ARMC3: variants seen among roughly 807,000 people sequenced by gnomAD.
The protein encoded by ARMC3 is armadillo repeat-containing protein 3.
In ARMC3, 74 loss-of-function variants were observed where a neutral mutation model predicts 90.3. The observed-to-expected ratio is 0.82, with a 90% confidence interval of 0.68 to 0.99. ARMC3 has a LOEUF of 0.99. Ranked by LOEUF, ARMC3 falls within the 50% of genes least tolerant of loss-of-function variation. ARMC3 has a pLI of 0.00. For synonymous variants in ARMC3, 334 were observed against 361.8 expected (o/e 0.92, Z 0.87); for missense variants, 958 against 1,042.8 (o/e 0.92, Z 1.12).
At chr10:22,937,851 A>T (rs1588809675) in intron 2 of ARMC3, among the ~76,000 whole-genome samples, 3 of 152,194 alleles carry the variant, frequency 2.0e-5, no homozygotes, top group African/African-American at 7.2e-5. Flanking sequence ...TTCATAGGTG[A>T]TGGAGACAGA....
chr10:22,968,645 GC>G (rs1348889150), intron 8 of ARMC3, among the ~76,000 whole-genome samples, 156 bp downstream of exon 8: 1 of 152,052 alleles, frequency 6.6e-6, no homozygotes, highest in Non-Finnish European at 1.5e-5. Flanking sequence ...GGGACTACAG[GC>G]ATGCACCACC....
intron 1 of ARMC3, among the ~76,000 whole-genome samples, chr10:22,928,515 G>GAA (rs111969562): frequency 2.0e-5 from 3 of 148,760 alleles, no homozygotes; most frequent in Admixed American, 6.7e-5. Context: ...ATCAACTCGT[G>GAA]AAAAAAAAAA....
At chr10:23,029,088 C>T (rs772991820) in intron 16 of ARMC3, among the ~76,000 whole-genome samples, 8 of 152,172 alleles carry the variant, frequency 5.3e-5, no homozygotes, top group Non-Finnish European at 8.8e-5. Context: ...AGTGCCACCA[C>T]TGTCACAGGA....
chr10:23,033,154 T>C (rs1838984404), intron 18 of ARMC3, 131 bp downstream of exon 18: 2 of 813,662 alleles, frequency 2.5e-6, no homozygotes, highest in Non-Finnish European at 3.8e-6. Context: ...TATATCTACA[T>C]ATAAGTGTAT....
chr10:22,964,474 C>T (rs1283432986), intron 7 of ARMC3, among the ~76,000 whole-genome samples: 2 of 146,432 alleles, frequency 1.4e-5, no homozygotes, highest in East Asian at 4.0e-4. Context: ...GAGCCTTGCT[C>T]TGTCACCCAG....
chr10:23,033,065 G>C, intron 18 of ARMC3, 42 bp downstream of exon 18: 1 of 1,596,996 alleles, frequency 6.3e-7, no homozygotes, highest in Non-Finnish European at 8.5e-7. Context: ...AAGTAAAAAT[G>C]CTTTGTCTTT....
chr10:22,970,186 A>C (rs986933185), intron 8 of ARMC3, among the ~76,000 whole-genome samples: 1 of 152,232 alleles, frequency 6.6e-6, no homozygotes, highest in African/African-American at 2.4e-5. Context: ...ATATTTCTGA[A>C]ATCAGTGATT....
In ARMC3 at chr10:22,998,971, A is replaced by T. The variant is rs1171086754; in HGVS notation, c.1425+574A>T. 2.6e-5 allele frequency among the ~76,000 whole-genome samples: 4 copies of T among 152,364 alleles called. No individual in the cohort carries two copies. The East Asian group carries it at 7.7e-4, about 29-fold the overall frequency. The stretch of plus-strand genomic sequence containing the variant: ...AAATTGAGGGAATGCTGAATCCGAA[A>T]TTCAAGAAAGCGGTTGCTTCTGTAG... On this transcript the variant is annotated intron_variant, in intron 11 of 18. Coordinates refer to ENST00000298032, the MANE Select transcript of ARMC3 (RefSeq NM_173081.5).
intron 1 of ARMC3, among the ~76,000 whole-genome samples, chr10:22,929,346 G>T (rs924649857): frequency 6.6e-6 from 1 of 151,492 alleles, no homozygotes; most frequent in Non-Finnish European, 1.5e-5. Context: ...GAAAGGAAAA[G>T]AAAAGAAATA....
At position 23,033,491 on chromosome 10, in the gene ARMC3, C is replaced by G. The variant is rs144105177; in HGVS notation, c.2409+468C>G. On this transcript the variant is annotated intron_variant, in intron 18 of 18. Coordinates refer to ENST00000298032, the MANE Select transcript of ARMC3 (RefSeq NM_173081.5). The stretch of plus-strand genomic sequence containing the variant: ...AGAAGGAAAACAAGCGTATACTAAA[C>G]AGAGAAAACATCTTATGCAAAATAA... Among the ~76,000 whole-genome samples, 5 of 152,228 alleles carry G rather than the reference C, an allele frequency of 3.3e-5. No homozygotes were observed. The East Asian group carries it at 9.6e-4, about 29-fold the overall frequency.
chr10:22,978,289 C>T (rs1395186348), intron 8 of ARMC3, among the ~76,000 whole-genome samples: 1 of 152,194 alleles, frequency 6.6e-6, no homozygotes, highest in Admixed American at 6.5e-5. Context: ...GGGAAGGCCT[C>T]AGGAAACTTA....
chr10:22,976,696 T>C (rs2131322073), intron 8 of ARMC3, among the ~76,000 whole-genome samples: 1 of 152,344 alleles, frequency 6.6e-6, no homozygotes, highest in East Asian at 1.9e-4. Context: ...CAAATCTGTT[T>C]CTAATTCTGA....
intron 8 of ARMC3, among the ~76,000 whole-genome samples, chr10:22,976,487 T>G (rs1407814325): frequency 6.6e-6 from 1 of 152,204 alleles, no homozygotes; most frequent in Admixed American, 6.5e-5. Context: ...GTAAACTCTT[T>G]TATTCCATCG....
rs141772011 is a variant in ARMC3 at position 22,981,786 on chromosome 10, G to A, written c.1175+86G>A. ...CTCCTGTTAGTATATTGACTTTCACGATAGTCTATGAATTTCTTCAGATGG... is the reference window on the plus strand; with the variant it reads ...CTCCTGTTAGTATATTGACTTTCACAATAGTCTATGAATTTCTTCAGATGG... On this transcript the variant is annotated intron_variant, in intron 10 of 18. Coordinates refer to ENST00000298032, the MANE Select transcript of ARMC3 (RefSeq NM_173081.5). 8.6e-4 allele frequency: 964 copies of A among 1,126,032 alleles called. 6 individuals carry two copies. The African/African-American group carries it at 0.013, about 16-fold the overall frequency. 69.8% of individuals were successfully genotyped at this position (1,126,032 alleles called of 1,614,324 possible).
Position 23,026,355 on chromosome 10 carries a change from C to G in ARMC3, c.2046-4241C>G, listed in dbSNP as rs549053658. The stretch of plus-strand genomic sequence containing the variant: ...AATCCTGTATGAAATACCAGCAAAT[C>G]AAATTCAGCAGTATATACAAAGAAT... On this transcript the variant is annotated intron_variant, in intron 16 of 18. Transcript: ENST00000298032. Among the ~76,000 whole-genome samples the G allele has an allele frequency of 2.2e-4, 33 of 152,146 alleles. 1 individual carries two copies. In the South Asian group the frequency reaches 6.6e-3, roughly 31 times the overall value.
intron 6 of ARMC3, 191 bp downstream of exon 6, chr10:22,959,765 G>A (rs1352113632): frequency 1.1e-5 from 7 of 655,862 alleles, no homozygotes; most frequent in South Asian, 1.8e-5. Context: ...TTCACATTTT[G>A]TAAGTCATTG....
At chr10:22,957,445 C>T (rs1331362805) in intron 4 of ARMC3, among the ~76,000 whole-genome samples, 2 of 152,156 alleles carry the variant, frequency 1.3e-5, no homozygotes, top group Non-Finnish European at 2.9e-5. Context: ...TTTGAGAGCT[C>T]TGATGGTAGT....
intron 3 of ARMC3, among the ~76,000 whole-genome samples, chr10:22,950,910 A>G (rs1834715268): frequency 6.6e-6 from 1 of 151,868 alleles, no homozygotes; most frequent in Non-Finnish European, 1.5e-5. Context: ...TGATAAAGGG[A>G]TCAGTTAATC....
At chr10:22,935,053 CA>C (rs1171643336) in intron 2 of ARMC3, among the ~76,000 whole-genome samples, 1 of 152,196 alleles carries the variant, frequency 6.6e-6, no homozygotes, top group Non-Finnish European at 1.5e-5. Flanking sequence ...GATAAAGCCA[CA>C]AGCTCTAAAT....
Sources: gnomAD v4.1 joint callset for allele counts (sites outside exome capture counted in the v4.1 genomes callset) on GRCh38, gnomAD v4.1.1 for gene constraint, MANE v1.5 for transcripts, NCBI Gene and HGNC (gene_info 2026-07-23, HGNC 2026-07-21) for gene names.